Variants in PBX1 observed in about 807,000 individuals in gnomAD.
PBX1 encodes PBX homeobox 1.
In PBX1, 6 loss-of-function variants were observed where a neutral mutation model predicts 53.4. The observed-to-expected ratio is 0.11, with a 90% CI of 0.06 to 0.22. The LOEUF is 0.22. PBX1 is among the 10% of genes least tolerant of loss of function. The pLI is 1.00. For synonymous variants in PBX1, 204 were observed against 212.3 expected (o/e 0.96, Z 0.34); for missense variants, 251 against 551.4 (o/e 0.46, Z 5.46).
intron 2 of PBX1, among the ~76,000 whole-genome samples, chr1:164,605,782 G>T (rs1473137541): frequency 1.3e-5 from 2 of 152,152 alleles, no homozygotes; most frequent in Non-Finnish European, 2.9e-5. Context: ...CTTTTAAAAG[G>T]CTTTATAAAG....
chr1:164,770,075 G>A (rs1667286444), intron 2 of PBX1: 1 of 152,216 alleles, frequency 6.6e-6, no homozygotes, highest in African/African-American at 2.4e-5. Context: ...GAAGCTTGAT[G>A]TGTGGGTCAG....
chr1:164,804,870 T>C (rs1028074303), intron 4 of PBX1, among the ~76,000 whole-genome samples: 4 of 152,194 alleles, frequency 2.6e-5, no homozygotes, highest in Non-Finnish European at 5.9e-5. Context: ...TGTCACCAAA[T>C]AATAAGACTA....
At chr1:164,843,181 C>T (rs1671388369) in intron 8 of PBX1, among the ~76,000 whole-genome samples, 1 of 152,142 alleles carries the variant, frequency 6.6e-6, no homozygotes, top group Non-Finnish European at 1.5e-5. Flanking sequence ...AGTTTGCTTG[C>T]AGTTTCTATC....
intron 8 of PBX1, among the ~76,000 whole-genome samples, chr1:164,837,897 A>G (rs1671115441): frequency 2.6e-5 from 4 of 152,224 alleles, no homozygotes; most frequent in Admixed American, 2.6e-4. Context: ...TATGTGAGTT[A>G]TGGAGAGGCT....
chr1:164,863,256 G>T (rs931399435), intron 2 of PBX1, among the ~76,000 whole-genome samples: 8 of 152,346 alleles, frequency 5.3e-5, no homozygotes, highest in Admixed American at 2.0e-4. Flanking sequence ...GATAATTGTA[G>T]ATGCGTTAGC....
At chr1:164,806,795 A>G (rs1242028152) in intron 4 of PBX1, among the ~76,000 whole-genome samples, 1 of 152,202 alleles carries the variant, frequency 6.6e-6, no homozygotes, top group African/African-American at 2.4e-5. Context: ...GGTAGGAAGA[A>G]AGACCAAGTT....
At chr1:164,792,824 G>C in intron 3 of PBX1, 86 bp downstream of exon 3, 1 of 1,022,810 alleles carries the variant, frequency 9.8e-7, no homozygotes, top group Non-Finnish European at 1.4e-6. Flanking sequence ...AGAGAGGAGC[G>C]GCTCACCTTT....
chr1:164,705,844 A>C (rs1663391763), intron 2 of PBX1, among the ~76,000 whole-genome samples: 1 of 152,246 alleles, frequency 6.6e-6, no homozygotes, highest in African/African-American at 2.4e-5. Context: ...TAAAACATTC[A>C]AATAAGTTGT....
intron 2 of PBX1, chr1:164,625,816 A>C: frequency 2.2e-6 from 1 of 459,284 alleles, no homozygotes; most frequent in Non-Finnish European, 2.9e-6. Context: ...ATTTAAAAAA[A>C]AAAAAAAAGA....
chr1:164,658,414 G>GA (rs1230778021), intron 2 of PBX1, among the ~76,000 whole-genome samples: 1 of 152,110 alleles, frequency 6.6e-6, no homozygotes, highest in Non-Finnish European at 1.5e-5. Context: ...GCCTTTCCAA[G>GA]AATGACCAAA....
intron 2 of PBX1, among the ~76,000 whole-genome samples, chr1:164,619,472 G>C (rs998339007): frequency 6.6e-6 from 1 of 152,082 alleles, no homozygotes; most frequent in African/African-American, 2.4e-5. Flanking sequence ...GGGATCGGTG[G>C]GGAGTGCTCA....
chr1:164,741,770 G>T (rs920742238), intron 2 of PBX1, among the ~76,000 whole-genome samples: 2 of 151,674 alleles, frequency 1.3e-5, no homozygotes, highest in Non-Finnish European at 1.5e-5. Flanking sequence ...GTGTGTGTGT[G>T]TGTGTTGCTT....
At chr1:164,713,733 A>G (rs545869524) in intron 2 of PBX1, among the ~76,000 whole-genome samples, 2 of 152,308 alleles carry the variant, frequency 1.3e-5, no homozygotes, top group South Asian at 4.1e-4. Flanking sequence ...AGCAGAAAGC[A>G]TTATTACCAT....
intron 2 of PBX1, among the ~76,000 whole-genome samples, chr1:164,720,988 C>T (rs1664376325): frequency 6.6e-6 from 1 of 152,190 alleles, no homozygotes; most frequent in African/African-American, 2.4e-5. Flanking sequence ...GAAGGAGCCT[C>T]TCTCTTCAGA....
rs534560912 is a variant in PBX1 at position 164,686,040 on chromosome 1, T to C, written c.266-106454T>C. ...TCCTCCTTCAGATATTTACTATTGA[T>C]GACATTGGCAATCAATGCTGCTGAA... On this transcript the variant is annotated intron_variant, in intron 2 of 8. Transcript: ENST00000420696. 1.0e-3 allele frequency among the ~76,000 whole-genome samples: 153 copies of C among 152,332 alleles called. 2 individuals are homozygous for C. The highest frequency in any genetic ancestry group is 3.5e-3 in the African/African-American group (145 of 41,554).
intron 2 of PBX1, among the ~76,000 whole-genome samples, chr1:164,637,419 G>A (rs541722063): frequency 2.7e-4 from 41 of 152,310 alleles, no homozygotes; most frequent in African/African-American, 9.1e-4. Flanking sequence ...CTGGTCGGAC[G>A]GTGGCTGAGG....
intron 2 of PBX1, among the ~76,000 whole-genome samples, chr1:164,884,013 T>C (rs571544478): frequency 3.3e-5 from 5 of 152,148 alleles, no homozygotes; most frequent in Non-Finnish European, 4.4e-5. Flanking sequence ...GGGAAAACCA[T>C]TGGTCAAATT....
intron 2 of PBX1, among the ~76,000 whole-genome samples, chr1:164,606,870 G>A (rs2101815998): frequency 2.0e-5 from 3 of 152,262 alleles, no homozygotes; most frequent in Middle Eastern, 3.4e-3. Flanking sequence ...GTTTTTTTAT[G>A]AGAGGAATTT....
intron 6 of PBX1, chr1:164,814,737 T>C: frequency 6.5e-6 from 1 of 154,628 alleles, no homozygotes; most frequent in Non-Finnish European, 1.4e-5. Context: ...AAACTCCAAC[T>C]CCAAAAACAA....
Sources: gnomAD v4.1 joint callset for allele counts (sites outside exome capture counted in the v4.1 genomes callset) on GRCh38, gnomAD v4.1.1 for gene constraint, MANE v1.5 for transcripts, NCBI Gene and HGNC (gene_info 2026-07-23, HGNC 2026-07-21) for gene names.